The following SLC16A4 variants were observed in gnomAD, a reference collection of about 807,000 sequenced individuals.
SLC16A4 encodes probable monocarboxylate transporter 5.
SLC16A4 carries 39 observed loss-of-function variants against 47.9 expected under a neutral mutation model. The observed-to-expected ratio is 0.81, with a 90% CI of 0.63 to 1.06. The LOEUF (loss-of-function observed/expected upper bound fraction) is 1.06, where lower values mean the gene tolerates loss of function less well. SLC16A4 is among the 50% of genes least tolerant of loss of function. SLC16A4 has a pLI of 0.00. For synonymous variants in SLC16A4, 189 were observed against 199.9 expected (o/e 0.95, Z 0.46); for missense variants, 524 against 573.8 (o/e 0.91, Z 0.89).
chr1:110,364,369 A>G (rs1661252266), intron 8 of SLC16A4, among the ~76,000 whole-genome samples: 1 of 152,108 alleles, frequency 6.6e-6, no homozygotes, highest in Non-Finnish European at 1.5e-5. Flanking sequence ...GATAGGTACC[A>G]ACCACATAAA....
chr1:110,390,744 T>G (rs745991149), intron 1 of SLC16A4, 121 bp downstream of exon 1: 1 of 152,174 alleles, frequency 6.6e-6, no homozygotes, highest in Non-Finnish European at 1.5e-5. Context: ...TGTTTCTAAC[T>G]GGAAAGGAAA....
intron 2 of SLC16A4, among the ~76,000 whole-genome samples, chr1:110,384,436 G>GTA (rs1662617459): frequency 6.6e-6 from 1 of 152,318 alleles, no homozygotes; most frequent in East Asian, 1.9e-4. Context: ...TTCCTTACCT[G>GTA]TACTCCACTA....
chr1:110,366,479 T>TA (rs1436887019), intron 8 of SLC16A4, among the ~76,000 whole-genome samples: 1 of 152,216 alleles, frequency 6.6e-6, no homozygotes, highest in African/African-American at 2.4e-5. Context: ...AGTATTAAAA[T>TA]ATAGTCATGT....
chr1:110,378,434 T>G (rs1161589559), intron 6 of SLC16A4, among the ~76,000 whole-genome samples: 1 of 152,180 alleles, frequency 6.6e-6, no homozygotes, highest in Non-Finnish European at 1.5e-5. Flanking sequence ...AGTTAAGAAA[T>G]ACAGAGCAGG....
At position 110,363,187 on chromosome 1, in the gene SLC16A4, T is replaced by C. The variant is rs188151379; in HGVS notation, c.*579A>G. On this transcript the variant is annotated 3_prime_UTR_variant, in exon 9 of 9. Coordinates refer to ENST00000369779, the MANE Select transcript of SLC16A4 (RefSeq NM_004696.3). The stretch of plus-strand genomic sequence containing the variant: ...CGTAATTGAGAGTTTGGATTTATTA[T>C]GGTACATTCCGATTTCTATTTAATA... 1.3e-5 allele frequency: 2 copies of C among 152,366 alleles called. No individual in the cohort carries two copies. Among genetic ancestry groups the C allele is most frequent in the African/African-American group, 4.8e-5 (2 of 41,584 alleles). 9.4% of individuals were successfully genotyped at this position (152,366 alleles called of 1,614,324 possible).
intron 8 of SLC16A4, among the ~76,000 whole-genome samples, chr1:110,373,766 C>T (rs2101010771): frequency 6.6e-6 from 1 of 151,052 alleles, no homozygotes; most frequent in African/African-American, 2.4e-5. Context: ...GCACTCATTC[C>T]TGGGCTCAAG....
At position 110,363,901 on chromosome 1, in the gene SLC16A4, G is replaced by A. The variant is rs748803517; in HGVS notation, c.1337-8C>T. The A allele has an allele frequency of 6.3e-7, 1 of 1,592,720 alleles. No individual in the cohort carries two copies. The highest frequency in any genetic ancestry group is 8.5e-7 in the Non-Finnish European group (1 of 1,172,918). ...TATAATCATATAACCAGCCTGGAAG[G>A]AAGGAATGATTTCTGTTAGGGAAGG... On this transcript the variant is annotated splice_polypyrimidine_tract_variant and splice_region_variant and intron_variant, in intron 8 of 8. Coordinates refer to ENST00000369779, the MANE Select transcript of SLC16A4 (RefSeq NM_004696.3).
At chr1:110,388,935 CCT>C (rs1662877533) in intron 2 of SLC16A4, among the ~76,000 whole-genome samples, 2 of 152,334 alleles carry the variant, frequency 1.3e-5, no homozygotes, top group East Asian at 3.9e-4. Flanking sequence ...GTCTCGAACT[CCT>C]GACTTCAAGT....
chr1:110,381,450 T>C (rs1662380192), intron 4 of SLC16A4, among the ~76,000 whole-genome samples: 1 of 152,132 alleles, frequency 6.6e-6, no homozygotes, highest in Non-Finnish European at 1.5e-5. Flanking sequence ...GCTTCCCAAA[T>C]AGCTGGGACT....
In SLC16A4 at chr1:110,381,647, C is replaced by G; in HGVS notation, c.364+5G>C. 6.2e-7 allele frequency: 1 copy of G among 1,609,470 alleles called. No individual in the cohort carries two copies. Among genetic ancestry groups the G allele is most frequent in the South Asian group, 1.1e-5 (1 of 90,182 alleles). On this transcript the variant is annotated splice_donor_5th_base_variant and intron_variant, in intron 4 of 8. Transcript: ENST00000369779. Reference sequence around the variant, plus strand: ...TCTATGGTCACATAATTACAATGGACTCACCGGGTAGAAGTCCCATAGTCA... The same window carrying G: ...TCTATGGTCACATAATTACAATGGAGTCACCGGGTAGAAGTCCCATAGTCA...
intron 8 of SLC16A4, among the ~76,000 whole-genome samples, chr1:110,364,525 C>CA (rs1377286147): frequency 1.6e-4 from 18 of 111,948 alleles, no homozygotes; most frequent in Non-Finnish European, 2.9e-4. Context: ...TTTTTTGAGA[C>CA]AGAGGCTTGC....
At chr1:110,380,075 C>A (rs914156395) in intron 5 of SLC16A4, among the ~76,000 whole-genome samples, 5 of 79,726 alleles carry the variant, frequency 6.3e-5, no homozygotes, top group Admixed American at 1.3e-4. Flanking sequence ...AAAAAAAAAG[C>A]AGCGGGAGGG....
rs542273389 is a variant in SLC16A4 at position 110,380,058 on chromosome 1, C to CAAAAAAAAAAAAAAAAAAAAAAA, written c.527-703_527-702insTTTTTTTTTTTTTTTTTTTTTTT. On this transcript the variant is annotated intron_variant, in intron 5 of 8. Transcript: ENST00000369779. ...AATGACAAAGCGAGAGAGCCTGTCT[C>CAAAAAAAAAAAAAAAAAAAAAAA]AAAAAAAAAAAAAAAGCAGCGGGAG... Among the ~76,000 whole-genome samples the CAAAAAAAAAAAAAAAAAAAAAAA allele has an allele frequency of 2.8e-3, 269 of 96,138 alleles. 6 individuals carry two copies. The highest frequency in any genetic ancestry group is 4.6e-3 in the South Asian group (12 of 2,636). The allele number at this position is 96,138 out of a possible 152,430, so 63.1% of individuals were successfully genotyped here. A position where few individuals can be genotyped will look rare whatever the true frequency, so the allele number is the denominator to read the frequency against.
intron 2 of SLC16A4, among the ~76,000 whole-genome samples, chr1:110,385,975 T>C (rs949591927): frequency 3.9e-5 from 6 of 152,232 alleles, no homozygotes; most frequent in Non-Finnish European, 8.8e-5. Flanking sequence ...GATTGTGTCC[T>C]CTCATGAGCA....
rs780812818 is a variant in SLC16A4 at position 110,367,049 on chromosome 1, A to G, written c.1337-3156T>C. Among the ~76,000 whole-genome samples the G allele has an allele frequency of 9.2e-5, 14 of 152,394 alleles. No individual in the cohort carries two copies. In the South Asian group the frequency reaches 2.9e-3, roughly 32 times the overall value. ...GAGGTAAAATGTAGGATGCAGAAAT[A>G]TACATATGACTGATTATTTTATGAA... On this transcript the variant is annotated intron_variant, in intron 8 of 8. Transcript: ENST00000369779.
In SLC16A4 at chr1:110,381,025, CA is replaced by C; in HGVS notation, c.482del (p.Leu161TrpfsTer8). The C allele has an allele frequency of 2.5e-6, 4 of 1,613,968 alleles. No homozygotes were observed. The highest frequency in any genetic ancestry group is 2.5e-6 in the Non-Finnish European group (3 of 1,179,972). On this transcript the variant is annotated frameshift_variant, in exon 5 of 9. Coordinates refer to ENST00000369779, the MANE Select transcript of SLC16A4 (RefSeq NM_004696.3). LOFTEE classifies it high-confidence loss of function. ...ARSGMGLTFL[L>X]APFTKFLIDL... ...CTATCAGGAATTTTGTAAAGGGTGCCAAAAGAAAAGTCAGTCCCATCCCAGA... is the reference window on the plus strand; with the variant it reads ...CTATCAGGAATTTTGTAAAGGGTGCCAAAGAAAAGTCAGTCCCATCCCAGA...
chr1:110,382,790 G>C, intron 3 of SLC16A4, 44 bp downstream of exon 3: 1 of 1,473,030 alleles, frequency 6.8e-7, no homozygotes, highest in Non-Finnish European at 9.1e-7. Context: ...ATTGCCCTTT[G>C]TGGTTCTTCT....
At position 110,379,236 on chromosome 1, in the gene SLC16A4, G is replaced by T; in HGVS notation, c.647C>A (p.Ser216Tyr). The change falls in exon 6 of 9, where the codon TCT (serine) becomes TAT (tyrosine). Residue 216 changes from serine (S) to tyrosine (Y), a missense_variant. Physicochemically the swap from Ser to Tyr is moderately radical, Grantham distance 144. Coordinates refer to ENST00000369779, the MANE Select transcript of SLC16A4 (RefSeq NM_004696.3). ...TGCATGTGCCTCTGGACCATGTGCAGACAAACTGCTGCCTTTATCTTTAAT... is the reference window on the plus strand; with the variant it reads ...TGCATGTGCCTCTGGACCATGTGCATACAAACTGCTGCCTTTATCTTTAAT... ...SGIKDKGSSLSAHGPEAHATE... is the reference protein window; with the variant it reads ...SGIKDKGSSLYAHGPEAHATE... 6.2e-7 allele frequency: 1 copy of T among 1,614,174 alleles called. No individual in the cohort carries two copies. Among genetic ancestry groups the T allele is most frequent in the Non-Finnish European group, 8.5e-7 (1 of 1,180,028 alleles).
chr1:110,381,795 C>A lies in SLC16A4; in HGVS notation c.221G>T (p.Gly74Val). 6.2e-7 allele frequency: 1 copy of A among 1,608,886 alleles called. No individual in the cohort carries two copies. The stretch of plus-strand genomic sequence containing the variant: ...GTCACAAATAATAGCAACCAGGGGA[C>A]CTTAAGAGAAGAAAGAAAGGCAATT... ...SIMSSLRFCA[G>V]PLVAIICDIL... Residue 74 changes from glycine (G) to valine (V), a missense_variant and splice_region_variant, in exon 4 of 9, where the codon GGT becomes GTT. By Grantham distance (109) the Gly-to-Val change is moderately radical. Coordinates refer to ENST00000369779, the MANE Select transcript of SLC16A4 (RefSeq NM_004696.3).
Sources: gnomAD v4.1 joint callset for allele counts (sites outside exome capture counted in the v4.1 genomes callset) on GRCh38, gnomAD v4.1.1 for gene constraint, MANE v1.5 for transcripts, NCBI Gene and HGNC (gene_info 2026-07-23, HGNC 2026-07-21) for gene names.